LHFPL4: variants seen among roughly 807,000 people sequenced by gnomAD.
The protein encoded by LHFPL4 is LHFPL tetraspan subfamily member 4, also known as LHFPL tetraspan subfamily member 4 protein.
In LHFPL4, 6 loss-of-function variants were observed where a neutral mutation model predicts 20.0. That is an observed-to-expected ratio of 0.30 (90% confidence interval 0.16 to 0.59). The LOEUF is 0.59. Among genes scored for constraint, LHFPL4 ranks in the 20% least tolerant of loss-of-function variants. LHFPL4 has a pLI of 0.88. For missense variants in LHFPL4, 215 were observed against 331.2 expected, an observed-to-expected ratio of 0.65 and a Z score of 2.72; for synonymous variants, 129 against 143.8, an observed-to-expected ratio of 0.90 and a Z score of 0.74.
chr3:9,523,214 T>C (rs2046351489), intron 2 of LHFPL4, among the ~76,000 whole-genome samples: 2 of 149,228 alleles, frequency 1.3e-5, no homozygotes, highest in South Asian at 4.3e-4. Context: ...GTCAAGAGTC[T>C]CTACTAAAAA....
At chr3:9,541,295 C>T (rs890714307) in intron 2 of LHFPL4, among the ~76,000 whole-genome samples, 24 of 152,066 alleles carry the variant, frequency 1.6e-4, no homozygotes, top group African/African-American at 5.8e-4. Context: ...GACATATAGA[C>T]CAATGGAATA....
intron 2 of LHFPL4, among the ~76,000 whole-genome samples, chr3:9,517,481 A>G (rs2046310722): frequency 6.6e-6 from 1 of 151,736 alleles, no homozygotes; most frequent in Non-Finnish European, 1.5e-5. Context: ...TTAGAATAAT[A>G]TTGTGTTTTT....
intron 2 of LHFPL4, among the ~76,000 whole-genome samples, chr3:9,523,986 C>T (rs554511677): frequency 1.0e-4 from 14 of 134,106 alleles, no homozygotes; most frequent in Admixed American, 6.0e-4. Context: ...TAGTATTTCC[C>T]CCCCCCCCAA....
chr3:9,516,998 C>A lies in LHFPL4; in HGVS notation c.407-10795G>T, dbSNP rs1201420528. Reference sequence around the variant, plus strand: ...GTTTCGCCATGTTGCCCAGGTTGGTCTTGAACTCCTGACCTCAGGTGATCC... The same window carrying A: ...GTTTCGCCATGTTGCCCAGGTTGGTATTGAACTCCTGACCTCAGGTGATCC... On this transcript the variant is annotated intron_variant, in intron 2 of 3. Coordinates refer to ENST00000287585, the MANE Select transcript of LHFPL4 (RefSeq NM_198560.3). 3.3e-5 allele frequency among the ~76,000 whole-genome samples: 5 copies of A among 151,946 alleles called. No homozygotes were observed. The South Asian group carries it at 1.0e-3, about 32-fold the overall frequency.
At chr3:9,508,203 C>T (rs1317149610) in intron 2 of LHFPL4, among the ~76,000 whole-genome samples, 1 of 152,196 alleles carries the variant, frequency 6.6e-6, no homozygotes, top group Non-Finnish European at 1.5e-5. Context: ...CTTCCGGCTT[C>T]CAACGGAGTG....
intron 2 of LHFPL4, among the ~76,000 whole-genome samples, chr3:9,546,195 A>G (rs1289749327): frequency 2.0e-5 from 3 of 150,964 alleles, no homozygotes; most frequent in Non-Finnish European, 4.4e-5. Context: ...CGTGCCTGTA[A>G]TCCCAGCTAC....
chr3:9,509,763 G>A (rs1037904391), intron 2 of LHFPL4, among the ~76,000 whole-genome samples: 1 of 152,200 alleles, frequency 6.6e-6, no homozygotes, highest in Admixed American at 6.5e-5. Context: ...CCAATTAGAT[G>A]GGTTCCTTGC....
intron 2 of LHFPL4, among the ~76,000 whole-genome samples, chr3:9,524,858 G>A (rs1344001098): frequency 1.3e-5 from 2 of 152,152 alleles, no homozygotes; most frequent in Admixed American, 1.3e-4. Context: ...AGAAACTGCT[G>A]TAAGTAGGCT....
intron 2 of LHFPL4, among the ~76,000 whole-genome samples, chr3:9,512,200 G>A (rs1325405057): frequency 6.6e-6 from 1 of 152,154 alleles, no homozygotes; most frequent in Non-Finnish European, 1.5e-5. Flanking sequence ...CACAGTGCTG[G>A]GATTACAGGC....
At position 9,506,817 on chromosome 3, in the gene LHFPL4, G is replaced by T. The variant is rs2046222098; in HGVS notation, c.407-614C>A. 6.6e-6 allele frequency among the ~76,000 whole-genome samples: 1 copy of T among 152,166 alleles called. No homozygotes were observed. Among genetic ancestry groups the T allele is most frequent in the African/African-American group, 2.4e-5 (1 of 41,436 alleles). On this transcript the variant is annotated intron_variant, in intron 2 of 3. Transcript: ENST00000287585. This position sits in a 1 kb window ranked among gnomAD's most constrained non-coding sequence, Gnocchi z 4.5. ...GCTGGTCTCGAACTCCTAACCTCAA[G>T]TGATCTGCCCACCTCAGCCTCCCAA...
At chr3:9,527,031 G>C (rs900265903) in intron 2 of LHFPL4, among the ~76,000 whole-genome samples, 1 of 152,050 alleles carries the variant, frequency 6.6e-6, no homozygotes, top group Non-Finnish European at 1.5e-5. Flanking sequence ...GGGAGGGAAG[G>C]AGACAGAAGG....
intron 2 of LHFPL4, among the ~76,000 whole-genome samples, chr3:9,520,872 T>C (rs1181695352): frequency 6.6e-6 from 1 of 152,154 alleles, no homozygotes; most frequent in African/African-American, 2.4e-5. Context: ...GAGAAGAATG[T>C]GTATCCTGCT....
intron 2 of LHFPL4, among the ~76,000 whole-genome samples, chr3:9,545,925 A>G (rs2046509014): frequency 6.6e-6 from 1 of 151,916 alleles, no homozygotes; most frequent in Non-Finnish European, 1.5e-5. Flanking sequence ...AAGAAAAGAA[A>G]GAAAGAAATG....
In LHFPL4 at chr3:9,502,322, G is replaced by C. The variant is rs368321068; in HGVS notation, c.644-11C>G. The stretch of plus-strand genomic sequence containing the variant: ...TAGAGCCCACAAAATCTAAGAGAGA[G>C]AGAGAGAGAGAGAAGGAGAGAGAAT... On this transcript the variant is annotated splice_polypyrimidine_tract_variant and intron_variant, in intron 3 of 3. Transcript: ENST00000287585. The C allele has an allele frequency of 1.3e-6, 2 of 1,555,350 alleles. No homozygotes were observed. Among genetic ancestry groups the C allele is most frequent in the Non-Finnish European group, 1.8e-6 (2 of 1,126,974 alleles).
chr3:9,502,696 T>C (rs1000823748), intron 3 of LHFPL4, among the ~76,000 whole-genome samples: 7 of 135,562 alleles, frequency 5.2e-5, no homozygotes, highest in East Asian at 2.2e-4. Flanking sequence ...AGTGTGAAAC[T>C]CCATCTCAAA....
chr3:9,548,968 G>C (rs1336554583), intron 2 of LHFPL4, among the ~76,000 whole-genome samples: 1 of 152,164 alleles, frequency 6.6e-6, no homozygotes, highest in Non-Finnish European at 1.5e-5. Context: ...TAAAATGAGC[G>C]AGCACAGAGG....
At chr3:9,522,377 A>G (rs1182197209) in intron 2 of LHFPL4, among the ~76,000 whole-genome samples, 1 of 152,146 alleles carries the variant, frequency 6.6e-6, no homozygotes, top group African/African-American at 2.4e-5. Flanking sequence ...GCGTGTGTGT[A>G]TGTGTATAAT....
intron 2 of LHFPL4, among the ~76,000 whole-genome samples, chr3:9,515,269 A>G (rs943284975): frequency 6.6e-6 from 1 of 152,232 alleles, no homozygotes; most frequent in East Asian, 1.9e-4. Flanking sequence ...ACGTCTTCTC[A>G]TATGCTAACA....
rs1334259895 is a variant in LHFPL4, at chr3:9,501,841, C to T, written c.*370G>A. 2.8e-5 allele frequency: 6 copies of T among 217,224 alleles called. No homozygotes were observed. The highest frequency in any genetic ancestry group is 4.6e-5 in the African/African-American group (2 of 43,642). The allele number at this position is 217,224 out of a possible 1,614,324, so 13.5% of individuals were successfully genotyped here. ...CAGAAGAGGTGCGGATACAGCCAGG[C>T]GGCAGCCCTCCAGACTGAGGGGGCC... On this transcript the variant is annotated 3_prime_UTR_variant, in exon 4 of 4. Coordinates refer to ENST00000287585, the MANE Select transcript of LHFPL4 (RefSeq NM_198560.3).
Sources: allele counts gnomAD v4.1 joint callset (sites outside exome capture counted in the v4.1 genomes callset), GRCh38; gene constraint gnomAD v4.1.1; non-coding constraint Gnocchi (gnomAD v3.1); transcripts MANE v1.5; gene names NCBI Gene and HGNC (gene_info 2026-07-23, HGNC 2026-07-21).